ARHGAP42: variants seen among roughly 807,000 people sequenced by gnomAD.
ARHGAP42 encodes rho GTPase-activating protein 42.
ARHGAP42 carries 63 observed loss-of-function variants against 125.0 expected under a neutral mutation model. The observed-to-expected ratio is 0.50, with a 90% CI of 0.41 to 0.62. The LOEUF (loss-of-function observed/expected upper bound fraction) is 0.62. ARHGAP42 is among the 20% of genes least tolerant of loss of function. ARHGAP42 has a pLI of 0.00. For missense variants in ARHGAP42, 766 were observed against 1,024.2 expected, an observed-to-expected ratio of 0.75 and a Z score of 3.44; for synonymous variants, 339 against 351.0, an observed-to-expected ratio of 0.97 and a Z score of 0.38.
chr11:100,728,251 G>C (rs1389922544), intron 1 of ARHGAP42, among the ~76,000 whole-genome samples: 1 of 152,138 alleles, frequency 6.6e-6, no homozygotes, highest in Non-Finnish European at 1.5e-5. Context: ...GTTGGCTATC[G>C]AAAAGGCCAC....
intron 1 of ARHGAP42, among the ~76,000 whole-genome samples, chr11:100,721,297 A>G (rs535603877): frequency 8.5e-5 from 13 of 152,076 alleles, no homozygotes; most frequent in Admixed American, 7.2e-4. Context: ...CAGGGCAACC[A>G]CTGATATTTT....
At position 100,992,240 on chromosome 11, in the gene ARHGAP42, GC is replaced by G; in HGVS notation, c.*3440del. 6.6e-7 allele frequency: 1 copy of G among 1,511,478 alleles called. No homozygotes were observed. Among genetic ancestry groups the G allele is most frequent in the South Asian group, 1.4e-5 (1 of 74,000 alleles). 93.6% of individuals were successfully genotyped at this position (1,511,478 alleles called of 1,614,324 possible). A position where few individuals can be genotyped will look rare whatever the true frequency, so the allele number is the denominator to read the frequency against. Reference sequence around the variant, plus strand: ...ACTTATACTTTGACTAAAGTCAGAGGCAGACCAATTTAGGGAACAGATTTTG... The same window carrying G: ...ACTTATACTTTGACTAAAGTCAGAGGAGACCAATTTAGGGAACAGATTTTG... On this transcript the variant is annotated 3_prime_UTR_variant, in exon 24 of 24. Transcript: ENST00000298815.
At chr11:100,790,342 G>GT (rs33913419) in intron 2 of ARHGAP42, among the ~76,000 whole-genome samples, 23 of 150,658 alleles carry the variant, frequency 1.5e-4, no homozygotes, top group Non-Finnish European at 2.4e-4. Flanking sequence ...TTCAGTAATA[G>GT]TTTTTTTTTT....
Position 100,974,501 on chromosome 11 carries a change from C to A in ARHGAP42, c.1753C>A (p.Pro585Thr). ...AGACCCAAGCATTCCTCTTCCTCAG[C>A]CTCAGTCTCGATCTGGATCCCGAAG... ...APDPSIPLPQPQSRSGSRRTR... is the reference protein window; with the variant it reads ...APDPSIPLPQTQSRSGSRRTR... Residue 585 changes from proline (P) to threonine (T), a missense_variant, in exon 19 of 24, where the codon CCT (proline) becomes ACT (threonine). By Grantham distance (38) the Pro-to-Thr change is conservative. This residue lies in a region of ARHGAP42 where 308 missense variants were observed against 369.7 expected (regional missense o/e 0.83). Coordinates refer to ENST00000298815, the MANE Select transcript of ARHGAP42 (RefSeq NM_152432.4). 6.4e-7 allele frequency: 1 copy of A among 1,550,474 alleles called. No individual in the cohort carries two copies. Among genetic ancestry groups the A allele is most frequent in the Non-Finnish European group, 8.7e-7 (1 of 1,146,636 alleles).
intron 12 of ARHGAP42, among the ~76,000 whole-genome samples, chr11:100,956,975 GA>G (rs1459086234): frequency 6.6e-6 from 1 of 152,120 alleles, no homozygotes; most frequent in Non-Finnish European, 1.5e-5. Context: ...CATATGTAGA[GA>G]TTTGCATTCT....
At chr11:100,986,346 G>A (rs1858678063) in intron 22 of ARHGAP42, 1 of 285,222 alleles carries the variant, frequency 3.5e-6, no homozygotes, top group Admixed American at 4.9e-5. Context: ...GACATAGCTG[G>A]CCTGAGGTGG....
intron 4 of ARHGAP42, among the ~76,000 whole-genome samples, chr11:100,867,410 A>G (rs114564287): frequency 6.6e-6 from 1 of 152,344 alleles, no homozygotes; most frequent in African/African-American, 2.4e-5. Context: ...CAGCCTCTAC[A>G]TCAGCATTTG....
intron 1 of ARHGAP42, among the ~76,000 whole-genome samples, chr11:100,739,446 A>C (rs1862133233): frequency 6.6e-6 from 1 of 152,212 alleles, no homozygotes; most frequent in African/African-American, 2.4e-5. Context: ...GATAAAGTAG[A>C]TATACCATGC....
intron 1 of ARHGAP42, among the ~76,000 whole-genome samples, chr11:100,722,813 T>TA (rs1456314317): frequency 6.6e-6 from 1 of 152,250 alleles, no homozygotes; most frequent in Non-Finnish European, 1.5e-5. Flanking sequence ...AAGTGCAACT[T>TA]ACCAGTTTTT....
At chr11:100,787,150 C>A (rs867656073) in intron 2 of ARHGAP42, among the ~76,000 whole-genome samples, 1 of 151,746 alleles carries the variant, frequency 6.6e-6, no homozygotes, top group African/African-American at 2.4e-5. Context: ...TGGTGGTGGG[C>A]GCCTGTAGTC....
intron 2 of ARHGAP42, among the ~76,000 whole-genome samples, chr11:100,776,100 G>A (rs1010241436): frequency 1.2e-4 from 18 of 151,852 alleles, no homozygotes; most frequent in Non-Finnish European, 2.1e-4. Flanking sequence ...GGGTTGTTGC[G>A]GTGAGCTGAG....
At chr11:100,751,288 T>TTTTTTTTGTTTTTTG (rs1555113918) in intron 1 of ARHGAP42, among the ~76,000 whole-genome samples, 1 of 139,076 alleles carries the variant, frequency 7.2e-6, no homozygotes, top group Admixed American at 7.2e-5. Context: ...TGTTTTTTTT[T>TTTTTTTTGTTTTTTG]TTTTTTTTTT....
At chr11:100,876,711 T>C (rs1184310950) in intron 4 of ARHGAP42, among the ~76,000 whole-genome samples, 1 of 152,242 alleles carries the variant, frequency 6.6e-6, no homozygotes, top group African/African-American at 2.4e-5. Context: ...TATTTGCAAC[T>C]GAACACATAT....
chr11:100,906,036 A>T (rs1264825480), intron 4 of ARHGAP42, among the ~76,000 whole-genome samples: 1 of 152,228 alleles, frequency 6.6e-6, no homozygotes, highest in Non-Finnish European at 1.5e-5. Context: ...TGTAACTCTC[A>T]TCTTAGCTGG....
chr11:100,813,264 C>T (rs183906098), intron 3 of ARHGAP42, among the ~76,000 whole-genome samples: 88 of 152,308 alleles, frequency 5.8e-4, no homozygotes, highest in Admixed American at 1.4e-3. Context: ...ATATCCCACA[C>T]CTCTATGCTC....
chr11:100,725,687 C>T (rs189800102), intron 1 of ARHGAP42, among the ~76,000 whole-genome samples: 1 of 151,754 alleles, frequency 6.6e-6, no homozygotes, highest in East Asian at 2.0e-4. Context: ...CCTGGAATCG[C>T]AGCACTTTGG....
intron 1 of ARHGAP42, among the ~76,000 whole-genome samples, chr11:100,732,860 C>T (rs1861983752): frequency 6.6e-6 from 1 of 152,166 alleles, no homozygotes; most frequent in Admixed American, 6.5e-5. Context: ...CTCAGCCTGC[C>T]TTAAAATCTT....
intron 1 of ARHGAP42, among the ~76,000 whole-genome samples, chr11:100,749,747 G>C (rs1008330715): frequency 6.6e-6 from 1 of 151,942 alleles, no homozygotes; most frequent in East Asian, 1.9e-4. Context: ...CACTCGCTCC[G>C]TCCAGCAGTA....
intron 4 of ARHGAP42, among the ~76,000 whole-genome samples, chr11:100,889,362 C>G (rs1301326236): frequency 6.6e-6 from 1 of 152,062 alleles, no homozygotes; most frequent in African/African-American, 2.4e-5. Flanking sequence ...TTGAGAGAGT[C>G]CTTTCTTTTT....
Sources: gnomAD v4.1 joint callset for allele counts (sites outside exome capture counted in the v4.1 genomes callset) on GRCh38, gnomAD v4.1.1 for gene constraint, gnomAD v4.1.1 regional missense constraint, MANE v1.5 for transcripts, NCBI Gene and HGNC (gene_info 2026-07-23, HGNC 2026-07-21) for gene names.